The following GMDS variants were observed in gnomAD, a reference collection of about 807,000 sequenced individuals.
The protein encoded by GMDS is GDP-mannose 4,6-dehydratase, also known as GDP-mannose 4,6 dehydratase.
GMDS carries 20 observed loss-of-function variants against 49.9 expected under a neutral mutation model. That is an observed-to-expected ratio of 0.40 (90% CI 0.28 to 0.58). GMDS has a LOEUF of 0.58. Ranked by LOEUF, GMDS falls within the 20% of genes least tolerant of loss-of-function variation. The probability of loss-of-function intolerance (pLI) is 0.42; values close to 1 mark genes in which losing one functional copy is unlikely to be tolerated. For missense variants in GMDS, 362 were observed against 481.4 expected (o/e 0.75, Z 2.32); for synonymous variants, 177 against 178.6 (o/e 0.99, Z 0.07).
intron 1 of GMDS, among the ~76,000 whole-genome samples, chr6:2,149,855 T>G (rs1331430675): frequency 6.6e-6 from 1 of 152,176 alleles, no homozygotes; most frequent in Non-Finnish European, 1.5e-5. Context: ...CAGGATTGTG[T>G]GCATTAACTA....
chr6:2,058,461 AG>A (rs2127444344), intron 4 of GMDS, among the ~76,000 whole-genome samples: 1 of 152,340 alleles, frequency 6.6e-6, no homozygotes, highest in African/African-American at 2.4e-5. Context: ...AATAAAAATG[AG>A]TAAAAAGAGA....
intron 7 of GMDS, among the ~76,000 whole-genome samples, chr6:1,830,692 T>C (rs555609677): frequency 6.6e-6 from 1 of 152,322 alleles, no homozygotes; most frequent in African/African-American, 2.4e-5. Context: ...TGATAAACTA[T>C]ATCTGGCACC....
At chr6:2,124,764 T>G (rs374597660) in intron 1 of GMDS, 33 bp from the exon 2 acceptor site, 8 of 1,561,316 alleles carry the variant, frequency 5.1e-6, no homozygotes, top group Non-Finnish European at 6.2e-6. Flanking sequence ...AAAACGTCAG[T>G]CTCATAGTGG....
chr6:1,896,258 C>G (rs946461066), intron 7 of GMDS, among the ~76,000 whole-genome samples: 1 of 152,170 alleles, frequency 6.6e-6, no homozygotes, highest in South Asian at 2.1e-4. Flanking sequence ...CCCCTAAAAA[C>G]TGTCGCCAGA....
chr6:2,158,694 A>T (rs1438152581), intron 1 of GMDS, among the ~76,000 whole-genome samples: 1 of 152,194 alleles, frequency 6.6e-6, no homozygotes, highest in Non-Finnish European at 1.5e-5. Flanking sequence ...GTATTGGGGC[A>T]AGAAAGTGGG....
chr6:1,752,677 C>G (rs537167217), intron 7 of GMDS, among the ~76,000 whole-genome samples: 12 of 152,352 alleles, frequency 7.9e-5, no homozygotes, highest in Middle Eastern at 3.4e-3. Flanking sequence ...ATCAGACTAA[C>G]AGCAGATCTC....
At chr6:1,808,904 C>G (rs571632847) in intron 7 of GMDS, among the ~76,000 whole-genome samples, 4,580 of 149,388 alleles carry the variant, frequency 0.031, 189 homozygotes, top group African/African-American at 0.093. Flanking sequence ...CATGCTCTCT[C>G]TGTGTGTGTG....
At chr6:1,931,257 T>C (rs905001889) in intron 6 of GMDS, among the ~76,000 whole-genome samples, 1 of 152,200 alleles carries the variant, frequency 6.6e-6, no homozygotes, top group Non-Finnish European at 1.5e-5. Flanking sequence ...GAGGCAAATA[T>C]TATGATCAAA....
intron 6 of GMDS, chr6:1,951,743 G>T: frequency 3.1e-6 from 1 of 317,512 alleles, no homozygotes; most frequent in Non-Finnish European, 4.6e-6. Flanking sequence ...CCAACTTCTT[G>T]ATAACAGGCA....
chr6:1,745,002 C>CAG (rs1491422151), intron 7 of GMDS, among the ~76,000 whole-genome samples: 2 of 152,070 alleles, frequency 1.3e-5, no homozygotes. Context: ...CACACACACA[C>CAG]AGAAACTTAT....
chr6:1,972,657 T>C (rs1232755225), intron 4 of GMDS, among the ~76,000 whole-genome samples: 1 of 152,254 alleles, frequency 6.6e-6, no homozygotes, highest in Non-Finnish European at 1.5e-5. Context: ...AGTTCCCTTC[T>C]ATTTTGAATG....
intron 7 of GMDS, among the ~76,000 whole-genome samples, chr6:1,828,449 C>G (rs1771221469): frequency 6.6e-6 from 1 of 152,066 alleles, no homozygotes; most frequent in South Asian, 2.1e-4. Flanking sequence ...AGAAGCTCAC[C>G]AAACAAGTAA....
At chr6:1,645,137 T>C (rs1337240879) in intron 9 of GMDS, among the ~76,000 whole-genome samples, 2 of 152,040 alleles carry the variant, frequency 1.3e-5, no homozygotes, top group African/African-American at 4.8e-5. Flanking sequence ...CGTTTCACCA[T>C]GCTGGTCAGG....
At chr6:2,165,669 C>T (rs772074986) in intron 1 of GMDS, among the ~76,000 whole-genome samples, 1 of 152,198 alleles carries the variant, frequency 6.6e-6, no homozygotes, top group East Asian at 1.9e-4. Context: ...AATCTGCATC[C>T]TGTGGAAGAC....
chr6:1,786,072 C>T (rs971274345), intron 7 of GMDS, among the ~76,000 whole-genome samples: 8 of 152,194 alleles, frequency 5.3e-5, no homozygotes, highest in Non-Finnish European at 7.3e-5. Flanking sequence ...GCTGCTTCAG[C>T]GTGATATTCC....
At chr6:2,094,307 T>G (rs1773475721) in intron 4 of GMDS, among the ~76,000 whole-genome samples, 1 of 152,226 alleles carries the variant, frequency 6.6e-6, no homozygotes, top group African/African-American at 2.4e-5. Flanking sequence ...TTGAGCTAGA[T>G]CTACAAGATT....
chr6:1,687,898 C>G (rs573810116), intron 9 of GMDS, among the ~76,000 whole-genome samples: 37 of 152,198 alleles, frequency 2.4e-4, no homozygotes, highest in Middle Eastern at 3.4e-3. Flanking sequence ...ATGGAGAACA[C>G]TGTAAGCTGC....
At chr6:2,019,756 T>C (rs768598527) in intron 4 of GMDS, among the ~76,000 whole-genome samples, 1 of 152,188 alleles carries the variant, frequency 6.6e-6, no homozygotes, top group Non-Finnish European at 1.5e-5. Context: ...TGCCAGAAGT[T>C]CTTTTATTCC....
chr6:2,238,016 G>C (rs995545574), intron 1 of GMDS, among the ~76,000 whole-genome samples: 2 of 152,078 alleles, frequency 1.3e-5, no homozygotes, highest in African/African-American at 4.8e-5. Context: ...ACTGGCTAAA[G>C]GTACAGCACA....
Sources: allele counts gnomAD v4.1 joint callset (sites outside exome capture counted in the v4.1 genomes callset), GRCh38; gene constraint gnomAD v4.1.1; transcripts MANE v1.5; gene names NCBI Gene and HGNC (gene_info 2026-07-23, HGNC 2026-07-21).